Variants in TRPM3 observed in about 807,000 individuals in gnomAD.
The protein encoded by TRPM3 is long transient receptor potential channel 3.
TRPM3 carries 77 observed loss-of-function variants against 181.2 expected under a neutral mutation model. The observed-to-expected ratio is 0.42, with a 90% CI of 0.35 to 0.51. The LOEUF (loss-of-function observed/expected upper bound fraction) is 0.51, where lower values mean the gene tolerates loss of function less well. TRPM3 is among the 20% of genes least tolerant of loss of function. The probability of loss-of-function intolerance (pLI) is 0.01; values close to 1 mark genes in which losing one functional copy is unlikely to be tolerated. For missense variants in TRPM3, 1,759 were observed against 2,196.7 expected (o/e 0.80, Z 3.98); for synonymous variants, 745 against 796.4 (o/e 0.94, Z 1.09).
Position 70,625,762 on chromosome 9 carries a change from T to C in TRPM3, c.1633-245A>G, listed in dbSNP as rs889372201. On this transcript the variant is annotated intron_variant, in intron 12 of 25. Coordinates refer to ENST00000677713, the MANE Select transcript of TRPM3 (RefSeq NM_001366145.2). This position sits in a 1 kb window ranked among gnomAD's most constrained non-coding sequence, Gnocchi z 4.8. ...CTGTTACCACTCTCTTGATATCATT[T>C]GGTTTCTACCACCCTTTAAAGGAAG... Among the ~76,000 whole-genome samples the C allele has an allele frequency of 1.3e-5, 2 of 152,176 alleles. No individual in the cohort carries two copies. The highest frequency in any genetic ancestry group is 4.8e-5 in the African/African-American group (2 of 41,424).
intron 1 of TRPM3, among the ~76,000 whole-genome samples, chr9:70,926,367 T>C (rs1377406423): frequency 6.6e-6 from 1 of 152,176 alleles, no homozygotes; most frequent in Non-Finnish European, 1.5e-5. Flanking sequence ...TCTGTAAAAA[T>C]TTGTGGCCAT....
At chr9:71,309,148 G>A (rs772230967) in intron 1 of TRPM3, among the ~76,000 whole-genome samples, 2 of 152,128 alleles carry the variant, frequency 1.3e-5, no homozygotes, top group South Asian at 4.1e-4. Context: ...GAGTAGTGTT[G>A]CTTCCAGATT....
intron 17 of TRPM3, among the ~76,000 whole-genome samples, chr9:70,618,015 CTTG>C (rs1231868711): frequency 6.6e-6 from 1 of 152,128 alleles, no homozygotes; most frequent in East Asian, 1.9e-4. Flanking sequence ...AAAAACCCAT[CTTG>C]TTGTATACCT....
intron 3 of TRPM3, among the ~76,000 whole-genome samples, chr9:70,853,402 A>C (rs181231383): frequency 6.6e-6 from 1 of 152,324 alleles, no homozygotes; most frequent in Admixed American, 6.5e-5. Context: ...GGGCCTCTGC[A>C]TTTCTAACCA....
At chr9:71,367,694 A>G (rs1308011979) in intron 1 of TRPM3, among the ~76,000 whole-genome samples, 1 of 152,184 alleles carries the variant, frequency 6.6e-6, no homozygotes, top group Non-Finnish European at 1.5e-5. Context: ...TTGAGGATGC[A>G]TTAAAGGCAA....
intron 1 of TRPM3, among the ~76,000 whole-genome samples, chr9:71,422,259 T>C (rs1232592448): frequency 6.6e-6 from 1 of 152,028 alleles, no homozygotes; most frequent in Non-Finnish European, 1.5e-5. Flanking sequence ...TCTGACATCA[T>C]ACTGAAAGAA....
chr9:70,644,299 A>G (rs1469444933), intron 9 of TRPM3, among the ~76,000 whole-genome samples: 1 of 152,200 alleles, frequency 6.6e-6, no homozygotes, highest in African/African-American at 2.4e-5. Context: ...CTATGCTTAT[A>G]CAAACACATC....
chr9:70,788,327 T>G (rs901091100), intron 6 of TRPM3, among the ~76,000 whole-genome samples: 1 of 151,924 alleles, frequency 6.6e-6, no homozygotes, highest in African/African-American at 2.4e-5. Flanking sequence ...CACCCTAAAT[T>G]AAGCACATTG....
In TRPM3 at chr9:71,306,702, T is replaced by C. The variant is rs527701294; in HGVS notation, c.183+139951A>G. Among the ~76,000 whole-genome samples, 59 of 152,182 alleles carry C rather than the reference T, an allele frequency of 3.9e-4. 1 individual carries two copies. In the South Asian group the frequency reaches 0.012, roughly 31 times the overall value. On this transcript the variant is annotated intron_variant, in intron 1 of 24. Transcript: ENST00000357533. ...AATCCTGGCCAACATGATGAAACCCTGTCTCTACTAAAAATACAAAAATTA... is the reference window on the plus strand; with the variant it reads ...AATCCTGGCCAACATGATGAAACCCCGTCTCTACTAAAAATACAAAAATTA...
upstream of TRPM3, chr9:71,446,958 G>C: frequency 9.9e-7 from 1 of 1,014,092 alleles, no homozygotes; most frequent in African/African-American, 1.7e-5. Context: ...GCCTCCGCCG[G>C]CTCCTGCCAG....
At chr9:71,380,316 A>C (rs538022432) in intron 1 of TRPM3, among the ~76,000 whole-genome samples, 1 of 152,188 alleles carries the variant, frequency 6.6e-6, no homozygotes, top group South Asian at 2.1e-4. Flanking sequence ...GATTAAAAAA[A>C]AATCTTTAAA....
intron 1 of TRPM3, among the ~76,000 whole-genome samples, chr9:70,949,999 T>G (rs1168379995): frequency 6.6e-6 from 1 of 152,162 alleles, no homozygotes; most frequent in African/African-American, 2.4e-5. Flanking sequence ...TTTGGAAGAA[T>G]GCTAATGCAA....
At chr9:71,446,854 G>A, upstream of TRPM3, 1 of 1,529,830 alleles carries the variant, frequency 6.5e-7, no homozygotes, top group Non-Finnish European at 8.8e-7. Context: ...CGCCTCCCTC[G>A]GCCGGGAAAC....
intron 1 of TRPM3, among the ~76,000 whole-genome samples, chr9:70,981,155 C>T (rs2097359984): frequency 6.6e-6 from 1 of 152,140 alleles, no homozygotes; most frequent in South Asian, 2.1e-4. Context: ...CTTCTAGTGA[C>T]AAAGCTGACA....
Position 70,537,231 on chromosome 9 carries a change from G to A in TRPM3, c.3882C>T (p.Arg1294=), listed in dbSNP as rs1462103394. The change falls in exon 26 of 26, where the codon CGC becomes CGT. Residue 1294 remains arginine, a synonymous_variant. Coordinates refer to ENST00000677713, the MANE Select transcript of TRPM3 (RefSeq NM_001366145.2). Reference sequence around the variant, plus strand: ...CCGTGCAGTCTGACGAGGTCCTCGAGCGGATTTTGTTGGACTCGGCCCGCT... The same window carrying A: ...CCGTGCAGTCTGACGAGGTCCTCGAACGGATTTTGTTGGACTCGGCCCGCT... ...GLERAESNKI[R]SRTSSDCTDA... 6.3e-7 allele frequency: 1 copy of A among 1,597,556 alleles called. No homozygotes were observed. Among genetic ancestry groups the A allele is most frequent in the Non-Finnish European group, 8.6e-7 (1 of 1,167,772 alleles).
In TRPM3 at chr9:70,621,231, G is replaced by A. The variant is rs749347425; in HGVS notation, c.1839+13C>T. 4 of 1,585,306 alleles carry A rather than the reference G, an allele frequency of 2.5e-6. No individual in the cohort carries two copies. The African/African-American group carries it at 5.5e-5, about 22-fold the overall frequency. ...ATAAATCATTGACACTAATAATTTG[G>A]ACAAACACTTACCTCCATTCCCAGC... On this transcript the variant is annotated intron_variant, in intron 15 of 25. Coordinates refer to ENST00000677713, the MANE Select transcript of TRPM3 (RefSeq NM_001366145.2).
intron 1 of TRPM3, among the ~76,000 whole-genome samples, chr9:71,358,577 C>T (rs2092006513): frequency 6.6e-6 from 1 of 152,128 alleles, no homozygotes; most frequent in Admixed American, 6.5e-5. Flanking sequence ...GCCTAAATGC[C>T]TATCTATCAG....
At chr9:70,606,651 G>GTGTA (rs145779027) in intron 19 of TRPM3, among the ~76,000 whole-genome samples, 5,002 of 140,670 alleles carry the variant, frequency 0.036, 96 homozygotes, top group African/African-American at 0.053. Flanking sequence ...GTGTGTGTGT[G>GTGTA]TATATATATA....
At chr9:70,591,316 T>C in intron 21 of TRPM3, 111 bp from the exon 22 acceptor site, 1 of 846,860 alleles carries the variant, frequency 1.2e-6, no homozygotes. Context: ...CTTTCTAGAC[T>C]GCTGGGAAGG....
Sources: allele counts gnomAD v4.1 joint callset (sites outside exome capture counted in the v4.1 genomes callset), GRCh38; gene constraint gnomAD v4.1.1; non-coding constraint Gnocchi (gnomAD v3.1); transcripts MANE v1.5; gene names NCBI Gene and HGNC (gene_info 2026-07-23, HGNC 2026-07-21).